RUNX2: variants seen among roughly 807,000 people sequenced by gnomAD.
RUNX2 encodes the protein RUNX family transcription factor 2, also known as runt-related transcription factor 2.
A neutral mutation model predicts 51.7 loss-of-function variants in RUNX2; 10 were observed. That is an observed-to-expected ratio of 0.19 (90% CI 0.12 to 0.33). The LOEUF (loss-of-function observed/expected upper bound fraction) is 0.33, where lower values mean the gene tolerates loss of function less well. RUNX2 is among the 10% of genes least tolerant of loss of function. RUNX2 has a pLI of 1.00. For synonymous variants in RUNX2, 276 were observed against 273.6 expected (o/e 1.01, Z -0.09); for missense variants, 562 against 691.3 (o/e 0.81, Z 2.10).
intron 7 of RUNX2, among the ~76,000 whole-genome samples, chr6:45,534,764 G>A (rs528775304): frequency 2.2e-4 from 33 of 152,180 alleles, no homozygotes; most frequent in Admixed American, 5.2e-4. Context: ...CAAGGATTTA[G>A]GTCAAATCTG....
chr6:45,459,012 G>A (rs1234191240), intron 5 of RUNX2, among the ~76,000 whole-genome samples: 2 of 152,162 alleles, frequency 1.3e-5, no homozygotes, highest in South Asian at 2.1e-4. Flanking sequence ...CCCCTCTCCT[G>A]ATTAATTTCC....
In RUNX2 at chr6:45,328,705, T is replaced by C. The variant is rs751540046; in HGVS notation, c.-22T>C. ...TTTACAACAGAGGGTACAAGTTCTA[T>C]CTGAAAAAAAAAGGAGGGACTATGG... On this transcript the variant is annotated 5_prime_UTR_variant, in exon 2 of 9. Transcript: ENST00000647337. The C allele has an allele frequency of 5.0e-6, 8 of 1,611,616 alleles. No individual in the cohort carries two copies. The highest frequency in any genetic ancestry group is 5.9e-6 in the Non-Finnish European group (7 of 1,178,498).
At chr6:45,345,106 T>C (rs561434851) in intron 2 of RUNX2, among the ~76,000 whole-genome samples, 1 of 152,128 alleles carries the variant, frequency 6.6e-6, no homozygotes, top group African/African-American at 2.4e-5. Context: ...CTGCCTCACA[T>C]GGATGTTTTG....
chr6:45,440,833 T>C (rs78283128), intron 5 of RUNX2, among the ~76,000 whole-genome samples: 2,245 of 152,280 alleles, frequency 0.015, 56 homozygotes, highest in African/African-American at 0.049. Flanking sequence ...TATGTACTTA[T>C]GTGTGGAATT....
intron 2 of RUNX2, among the ~76,000 whole-genome samples, chr6:45,419,746 G>A (rs1433134855): frequency 1.3e-5 from 2 of 152,210 alleles, no homozygotes; most frequent in African/African-American, 4.8e-5. Flanking sequence ...TCCTGGCTGC[G>A]CTTCCAGTTG....
chr6:45,443,794 C>A (rs954446982), intron 5 of RUNX2, among the ~76,000 whole-genome samples: 2 of 152,176 alleles, frequency 1.3e-5, no homozygotes, highest in Non-Finnish European at 2.9e-5. Flanking sequence ...GAAGTATGAG[C>A]CTTGCCCAGC....
chr6:45,524,325 A>AT (rs536736609), intron 7 of RUNX2, among the ~76,000 whole-genome samples: 31 of 152,014 alleles, frequency 2.0e-4, no homozygotes, highest in East Asian at 1.9e-4. Flanking sequence ...ATCTCAGAGG[A>AT]TTTTTTTTTA....
chr6:45,414,357 G>A (rs1798017677), intron 2 of RUNX2, among the ~76,000 whole-genome samples: 2 of 152,050 alleles, frequency 1.3e-5, no homozygotes, highest in East Asian at 1.9e-4. Context: ...TAGACAGAAC[G>A]GTCCCTTTAA....
intron 5 of RUNX2, among the ~76,000 whole-genome samples, chr6:45,463,461 C>T (rs1168383738): frequency 6.6e-6 from 1 of 152,150 alleles, no homozygotes; most frequent in Non-Finnish European, 1.5e-5. Flanking sequence ...TTCTTTCTAG[C>T]TGGGGAGAAA....
At chr6:45,407,045 T>C (rs1797849739) in intron 2 of RUNX2, among the ~76,000 whole-genome samples, 1 of 152,186 alleles carries the variant, frequency 6.6e-6, no homozygotes, top group African/African-American at 2.4e-5. Context: ...AAAACCCTGA[T>C]CTGATCTCTG....
At chr6:45,483,885 G>C (rs55849812) in intron 5 of RUNX2, among the ~76,000 whole-genome samples, 1,814 of 152,318 alleles carry the variant, frequency 0.012, 31 homozygotes, top group African/African-American at 0.038. Flanking sequence ...GCTGGGAGCA[G>C]TACAGTTGTA....
chr6:45,392,334 C>CT (rs1294409928), intron 2 of RUNX2, among the ~76,000 whole-genome samples: 12 of 152,030 alleles, frequency 7.9e-5, no homozygotes. Flanking sequence ...TTGTGAGACT[C>CT]TGTCTCTACA....
chr6:45,376,367 G>GC (rs1796774473), intron 2 of RUNX2, among the ~76,000 whole-genome samples: 1 of 152,156 alleles, frequency 6.6e-6, no homozygotes, highest in African/African-American at 2.4e-5. Flanking sequence ...CTAAATTGTA[G>GC]CCCTGTGCTG....
intron 2 of RUNX2, among the ~76,000 whole-genome samples, chr6:45,390,626 A>C (rs183824797): frequency 6.6e-6 from 1 of 152,354 alleles, no homozygotes; most frequent in Non-Finnish European, 1.5e-5. Context: ...TCATTTGAGA[A>C]GGTTAGCAGT....
rs764217017 is a variant in RUNX2 at position 45,422,711 on chromosome 6, G to GCAGCAGCAGCAGCAGCAA, written c.195_212dup (p.Gln66_Gln71dup). On this transcript the variant is annotated inframe_insertion, in exon 3 of 9. Transcript: ENST00000647337. ...AGCAGCAACAGCAGCAGCAGCAACA[G>GCAGCAGCAGCAGCAGCAA]CAGCAGCAGCAGCAGCAACAGCAGC... The GCAGCAGCAGCAGCAGCAA allele has an allele frequency of 1.3e-6, 2 of 1,519,850 alleles. No homozygotes were observed. Among genetic ancestry groups the GCAGCAGCAGCAGCAGCAA allele is most frequent in the Non-Finnish European group, 1.8e-6 (2 of 1,124,044 alleles). The allele number at this position is 1,519,850 out of a possible 1,614,324, so 94.1% of individuals were successfully genotyped here. A position where few individuals can be genotyped will look rare whatever the true frequency, so the allele number is the denominator to read the frequency against.
At chr6:45,389,524 T>C (rs561709798) in intron 2 of RUNX2, among the ~76,000 whole-genome samples, 6 of 152,360 alleles carry the variant, frequency 3.9e-5, no homozygotes, top group Non-Finnish European at 8.8e-5. Context: ...GATGGACATA[T>C]AGATGACAGT....
chr6:45,349,995 T>C (rs1208460895), intron 2 of RUNX2, among the ~76,000 whole-genome samples: 2 of 152,118 alleles, frequency 1.3e-5, no homozygotes, highest in African/African-American at 4.8e-5. Context: ...GGAAAAAAAA[T>C]TACTAGAGCC....
At chr6:45,514,298 C>T (rs1167145287) in intron 7 of RUNX2, among the ~76,000 whole-genome samples, 2 of 152,112 alleles carry the variant, frequency 1.3e-5, no homozygotes, top group African/African-American at 2.4e-5. Flanking sequence ...GGAAAACAGC[C>T]AGATTATTTC....
chr6:45,341,829 T>C (rs1300425146), intron 2 of RUNX2, among the ~76,000 whole-genome samples: 1 of 152,150 alleles, frequency 6.6e-6, no homozygotes, highest in Admixed American at 6.5e-5. Context: ...CTAAGATAAT[T>C]CATCGCTTTT....
Sources: allele counts gnomAD v4.1 joint callset (sites outside exome capture counted in the v4.1 genomes callset), GRCh38; gene constraint gnomAD v4.1.1; transcripts MANE v1.5; gene names NCBI Gene and HGNC (gene_info 2026-07-23, HGNC 2026-07-21).